The following TSPAN3 variants were observed in gnomAD, a reference collection of about 807,000 sequenced individuals.
TSPAN3 encodes the protein tetraspanin-3.
A neutral mutation model predicts 31.1 loss-of-function variants in TSPAN3; 9 were observed. The ratio of observed to expected loss-of-function variants is 0.29; its 90% CI spans 0.17 to 0.50. The LOEUF is 0.50. Among genes scored for constraint, TSPAN3 ranks in the 20% least tolerant of loss-of-function variants. The pLI is 0.98. For synonymous variants in TSPAN3, 129 were observed against 114.3 expected (o/e 1.13, Z -0.82); for missense variants, 252 against 313.5 (o/e 0.80, Z 1.48).
chr15:77,046,635 G>A lies in TSPAN3; in HGVS notation c.*200C>T. ...ATCGTACTTAAAATCTTAGGGGCATGAAGAGTCAGCTAGAACAAGGAAAAA... is the reference window on the plus strand; with the variant it reads ...ATCGTACTTAAAATCTTAGGGGCATAAAGAGTCAGCTAGAACAAGGAAAAA... On this transcript the variant is annotated 3_prime_UTR_variant, in exon 7 of 7. Coordinates refer to ENST00000267970, the MANE Select transcript of TSPAN3 (RefSeq NM_005724.6). 2 of 562,714 alleles carry A rather than the reference G, an allele frequency of 3.6e-6. No individual in the cohort carries two copies. The highest frequency in any genetic ancestry group is 4.9e-5 in the South Asian group (2 of 41,198). The allele number at this position is 562,714 out of a possible 1,614,324, so 34.9% of individuals were successfully genotyped here.
intron 6 of TSPAN3, among the ~76,000 whole-genome samples, chr15:77,049,470 T>C (rs578173286): frequency 2.2e-4 from 34 of 152,198 alleles, no homozygotes; most frequent in Non-Finnish European, 3.8e-4. Flanking sequence ...CTCAGGAGCT[T>C]GACAAATCAA....
chr15:77,047,185 T>A (rs1289331829), intron 6 of TSPAN3, among the ~76,000 whole-genome samples: 2 of 152,226 alleles, frequency 1.3e-5, no homozygotes, highest in African/African-American at 4.8e-5. Context: ...GCATCCCCAC[T>A]ACTAGTCTAG....
intron 6 of TSPAN3, among the ~76,000 whole-genome samples, chr15:77,047,724 G>GA (rs1480190989): frequency 6.6e-6 from 1 of 152,168 alleles, no homozygotes; most frequent in Non-Finnish European, 1.5e-5. Context: ...GGATTAAAGA[G>GA]AAAATGATTC....
chr15:77,054,220 G>C lies in TSPAN3; in HGVS notation c.390C>G (p.Asn130Lys). The change falls in exon 4 of 7, where the codon AAC becomes AAG. Residue 130 changes from asparagine (N) to lysine (K), a missense_variant. Physicochemically the swap from Asn to Lys is moderately conservative, Grantham distance 94 (BLOSUM62 0). Transcript: ENST00000267970. ...CAATAGCCCGGCTAGCAGCATCAGGGTTGGTTCCATTGTAGGTCTTATACA... is the reference window on the plus strand; with the variant it reads ...CAATAGCCCGGCTAGCAGCATCAGGCTTGGTTCCATTGTAGGTCTTATACA... ...QKVYKTYNGT[N>K]PDAASRAIDY... The C allele has an allele frequency of 6.2e-7, 1 of 1,613,944 alleles. No homozygotes were observed. Among genetic ancestry groups the C allele is most frequent in the Non-Finnish European group, 8.5e-7 (1 of 1,179,926 alleles).
chr15:77,047,230 G>A (rs1311164102), intron 6 of TSPAN3, among the ~76,000 whole-genome samples: 1 of 152,188 alleles, frequency 6.6e-6, no homozygotes, highest in Non-Finnish European at 1.5e-5. Flanking sequence ...TGCAGCGATG[G>A]AGACATACCA....
chr15:77,066,309 C>T (rs118094678), intron 1 of TSPAN3, among the ~76,000 whole-genome samples: 21 of 152,238 alleles, frequency 1.4e-4, no homozygotes, highest in Admixed American at 7.8e-4. Context: ...CGGTGGCTCA[C>T]GCCTGTAATC....
chr15:77,047,629 A>G (rs560139100), intron 6 of TSPAN3, among the ~76,000 whole-genome samples: 10 of 152,230 alleles, frequency 6.6e-5, no homozygotes, highest in South Asian at 6.2e-4. Flanking sequence ...TTTTATTTCA[A>G]TAAGTCCTAA....
intron 6 of TSPAN3, among the ~76,000 whole-genome samples, chr15:77,051,284 T>C (rs749694669): frequency 2.0e-5 from 3 of 151,886 alleles, no homozygotes; most frequent in Non-Finnish European, 2.9e-5. Flanking sequence ...TCCCAGTACT[T>C]TGGGAGGCCG....
intron 1 of TSPAN3, among the ~76,000 whole-genome samples, chr15:77,057,117 G>C (rs887268093): frequency 2.0e-5 from 3 of 152,192 alleles, no homozygotes; most frequent in Non-Finnish European, 4.4e-5. Flanking sequence ...TCCAGCTGCA[G>C]AGTCTTACTT....
rs763249525 is a variant in TSPAN3 at position 77,056,130 on chromosome 15, C to T, written c.189G>A (p.Leu63=). 4 of 1,612,928 alleles carry T rather than the reference C, an allele frequency of 2.5e-6. No homozygotes were observed. Among genetic ancestry groups the T allele is most frequent in the Non-Finnish European group, 3.4e-6 (4 of 1,179,722 alleles). The change falls in exon 2 of 7, where the codon CTG becomes CTA. Residue 63 remains leucine (L), a synonymous_variant. Coordinates refer to ENST00000267970, the MANE Select transcript of TSPAN3 (RefSeq NM_005724.6). ...AGCCAATTAGCCCAATGATGAAAAG[C>T]AGGGCTCCTACAGCTATGATCACTA... ...PAVVIIAVGA[L]LFIIGLIGCC...
intron 1 of TSPAN3, among the ~76,000 whole-genome samples, chr15:77,065,117 C>T (rs1202100166): frequency 1.3e-5 from 2 of 152,242 alleles, no homozygotes; most frequent in East Asian, 3.8e-4. Flanking sequence ...CCAATCTCTT[C>T]CAAATCACCC....
At chr15:77,066,571 C>CAAAAAAAAAAAAAAAAAAA (rs35737479) in intron 1 of TSPAN3, among the ~76,000 whole-genome samples, 3 of 59,354 alleles carry the variant, frequency 5.1e-5, no homozygotes, top group African/African-American at 2.2e-4. Flanking sequence ...GACTTCGTCT[C>CAAAAAAAAAAAAAAAAAAA]AAAAAAAAAA....
In TSPAN3 at chr15:77,052,418, C is replaced by T. The variant is rs766113453; in HGVS notation, c.636G>A (p.Val212=). The change falls in exon 6 of 7, where the codon GTG becomes GTA. Residue 212 remains valine, a synonymous_variant. Transcript: ENST00000267970. ...CTGCAAATGCCAGTGCGGCCCAGAT[C>T]ACATGCATCATGATTTCTTGTAGCT... is the stretch of plus-strand genomic sequence containing the variant. ...VKKLQEIMMH[V]IWAALAFAAI... is the part of the protein sequence containing the mutation. The T allele has an allele frequency of 6.2e-7, 1 of 1,614,112 alleles. No homozygotes were observed. Among genetic ancestry groups the T allele is most frequent in the Non-Finnish European group, 8.5e-7 (1 of 1,180,044 alleles).
At chr15:77,057,811 A>G (rs2076777052) in intron 1 of TSPAN3, among the ~76,000 whole-genome samples, 1 of 152,068 alleles carries the variant, frequency 6.6e-6, no homozygotes. Context: ...TTCATTAGTC[A>G]TTGTAGCTCA....
Position 77,056,227 on chromosome 15 carries a change from C to A in TSPAN3, c.92G>T (p.Gly31Val). The A allele has an allele frequency of 4.4e-6, 7 of 1,606,728 alleles. No homozygotes were observed. The highest frequency in any genetic ancestry group is 5.1e-6 in the Non-Finnish European group (6 of 1,177,852). The change falls in exon 2 of 7, where the codon GGA (glycine) becomes GTA (valine). Residue 31 changes from glycine (G) to valine (V), a missense_variant. Physicochemically the swap from Gly to Val is moderately radical, Grantham distance 109. Transcript: ENST00000267970. ...WGAAGILCYV[G>V]AYVFITYDDY... ...ATCATAAGTGATGAAGACATAGGCT[C>A]CCACATAGCATAAAATGCCAGCTGC...
intron 1 of TSPAN3, among the ~76,000 whole-genome samples, chr15:77,060,442 T>C (rs188494373): frequency 6.6e-6 from 1 of 152,298 alleles, no homozygotes; most frequent in Non-Finnish European, 1.5e-5. Context: ...AAAGTAATTG[T>C]TGTAATGATA....
chr15:77,054,255 T>C lies in TSPAN3; in HGVS notation c.355A>G (p.Ile119Val). ...TTGTAGGTCTTATACACTTTCTGAA[T>C]GCTGCGATCAACCTCATTTTCCACC... ...AKVENEVDRS[I>V]QKVYKTYNGT... The change falls in exon 4 of 7, where the codon ATT (isoleucine) becomes GTT (valine). Residue 119 changes from isoleucine to valine, a missense_variant. Ile to Val is a conservative substitution (Grantham distance 29). Transcript: ENST00000267970. 6.2e-7 allele frequency: 1 copy of C among 1,613,650 alleles called. No homozygotes were observed. Among genetic ancestry groups the C allele is most frequent in the Non-Finnish European group, 8.5e-7 (1 of 1,179,642 alleles).
At position 77,046,563 on chromosome 15, in the gene TSPAN3, A is replaced by G; in HGVS notation, c.*272T>C. 2.1e-6 allele frequency: 1 copy of G among 485,030 alleles called. No individual in the cohort carries two copies. The highest frequency in any genetic ancestry group is 3.6e-6 in the Non-Finnish European group (1 of 275,488). The allele number at this position is 485,030 out of a possible 1,614,324, so 30.0% of individuals were successfully genotyped here. ...CAGGCTCGTGTCCTCCTTTAATTCT[A>G]CCACACTACATGACTCGCAATTGGT... On this transcript the variant is annotated 3_prime_UTR_variant, in exon 7 of 7. Transcript: ENST00000267970.
Position 77,056,158 on chromosome 15 carries a change from G to A in TSPAN3, c.161C>T (p.Ala54Val). The change falls in exon 2 of 7, where the codon GCT becomes GTT. Residue 54 changes from alanine (A) to valine (V), a missense_variant. Physicochemically the swap from Ala to Val is moderately conservative, Grantham distance 64. Transcript: ENST00000267970. ...FFEDVYTLIP[A>V]VVIIAVGALL... ...GGCTCCTACAGCTATGATCACTACA[G>A]CAGGGATGAGCGTGTACACATCTTC... 1 of 1,614,056 alleles carries A rather than the reference G, an allele frequency of 6.2e-7. No homozygotes were observed. The highest frequency in any genetic ancestry group is 1.3e-5 in the African/African-American group (1 of 75,026).
Sources: gnomAD v4.1 joint callset for allele counts (sites outside exome capture counted in the v4.1 genomes callset) on GRCh38, gnomAD v4.1.1 for gene constraint, MANE v1.5 for transcripts, NCBI Gene and HGNC (gene_info 2026-07-23, HGNC 2026-07-21) for gene names.